Variants in FLI1 observed in about 807,000 individuals in gnomAD.
FLI1 encodes the protein Fli-1 proto-oncogene, ETS transcription factor.
FLI1 carries 13 observed loss-of-function variants against 53.1 expected under a neutral mutation model. That is an observed-to-expected ratio of 0.24 (90% CI 0.16 to 0.39). FLI1 has a LOEUF of 0.39. Among genes scored for constraint, FLI1 ranks in the 10% least tolerant of loss-of-function variants. FLI1 has a pLI of 1.00. For synonymous variants in FLI1, 244 were observed against 236.7 expected (o/e 1.03, Z -0.28); for missense variants, 424 against 600.5 (o/e 0.71, Z 3.07).
chr11:128,768,071 C>T (rs1395382226), intron 2 of FLI1, 47 bp from the exon 3 acceptor site: 6 of 1,534,910 alleles, frequency 3.9e-6, no homozygotes, highest in Non-Finnish European at 3.5e-6. Flanking sequence ...AGGCAAGCTG[C>T]CCTGTCAGTG....
intron 8 of FLI1, 59 bp downstream of exon 8, chr11:128,809,263 TCA>T: frequency 7.0e-7 from 1 of 1,434,026 alleles, no homozygotes; most frequent in Non-Finnish European, 9.8e-7. Flanking sequence ...CTTTGTGAAA[TCA>T]CAGAGACTTC....
chr11:128,747,550 C>T (rs527615295), intron 1 of FLI1, among the ~76,000 whole-genome samples: 10 of 152,278 alleles, frequency 6.6e-5, no homozygotes, highest in South Asian at 4.1e-4. Context: ...ATACTGGCTC[C>T]GTCTTACAGA....
At chr11:128,799,133 C>T (rs1003118796) in intron 5 of FLI1, among the ~76,000 whole-genome samples, 1 of 151,012 alleles carries the variant, frequency 6.6e-6, no homozygotes, top group South Asian at 2.1e-4. Flanking sequence ...CAGCCTTAAA[C>T]TCCTGGCCTC....
intron 5 of FLI1, among the ~76,000 whole-genome samples, chr11:128,789,615 G>A (rs1164036598): frequency 7.2e-5 from 11 of 152,154 alleles, no homozygotes; most frequent in Admixed American, 2.6e-4. Flanking sequence ...TTTGTCCCTC[G>A]CGATATGCAC....
At chr11:128,737,316 G>A (rs748193162) in intron 1 of FLI1, among the ~76,000 whole-genome samples, 3 of 152,162 alleles carry the variant, frequency 2.0e-5, no homozygotes, top group Non-Finnish European at 4.4e-5. Context: ...AAAGACAAAC[G>A]CTGAAGCAGA....
At chr11:128,718,600 AAC>A (rs1647615467) in intron 1 of FLI1, among the ~76,000 whole-genome samples, 2 of 152,244 alleles carry the variant, frequency 1.3e-5, no homozygotes, top group East Asian at 1.9e-4. Context: ...ACCTGGAGAC[AAC>A]AGCAAGACCA....
chr11:128,737,836 C>T (rs1419589107), intron 1 of FLI1, among the ~76,000 whole-genome samples: 2 of 152,164 alleles, frequency 1.3e-5, no homozygotes, highest in East Asian at 3.8e-4. Flanking sequence ...ATGCTCGGAG[C>T]TTATGATATA....
chr11:128,689,757 T>C (rs1198526229), upstream of FLI1, among the ~76,000 whole-genome samples: 2 of 152,244 alleles, frequency 1.3e-5, no homozygotes, highest in Admixed American at 1.3e-4. Context: ...CCACCTCTTG[T>C]CAGCCTGCTC....
At chr11:128,763,888 C>A (rs1941226517) in intron 2 of FLI1, among the ~76,000 whole-genome samples, 1 of 152,220 alleles carries the variant, frequency 6.6e-6, no homozygotes, top group Non-Finnish European at 1.5e-5. Flanking sequence ...TAAGTTATTG[C>A]ATCTCCTTTT....
intron 1 of FLI1, among the ~76,000 whole-genome samples, chr11:128,712,935 G>A (rs764318988): frequency 1.3e-5 from 2 of 152,206 alleles, no homozygotes; most frequent in African/African-American, 4.8e-5. Flanking sequence ...ATCACTGTGA[G>A]GAATAAATAC....
rs145475495 is a variant in FLI1, at chr11:128,801,073, G to A, written c.656-4293G>A. On this transcript the variant is annotated intron_variant, in intron 5 of 8. Coordinates refer to ENST00000527786, the MANE Select transcript of FLI1 (RefSeq NM_002017.5). ...CATCAACTGGTACACTGGTGCCGAC[G>A]GCCACATTTTTACACACTGGGCCTT... Among the ~76,000 whole-genome samples, 35 of 152,274 alleles carry A rather than the reference G, an allele frequency of 2.3e-4. No homozygotes were observed. The East Asian group carries it at 3.3e-3, about 14-fold the overall frequency.
upstream of FLI1, chr11:128,686,497 C>T (rs1033977511): frequency 1.1e-5 from 5 of 456,520 alleles, no homozygotes; most frequent in African/African-American, 6.0e-5. Context: ...CGGACCCTCC[C>T]TCGCCGGACT....
intron 1 of FLI1, among the ~76,000 whole-genome samples, chr11:128,757,367 T>A (rs1819897780): frequency 6.6e-6 from 1 of 152,118 alleles, no homozygotes; most frequent in Admixed American, 6.5e-5. Context: ...GCACTTCACG[T>A]GTCTGAGGTT....
At chr11:128,686,164 G>A (rs1865798760), upstream of FLI1, 1 of 360,154 alleles carries the variant, frequency 2.8e-6, no homozygotes, top group Non-Finnish European at 5.5e-6. Flanking sequence ...TGTGCACTGA[G>A]GGGCGAGTGT....
upstream of FLI1, among the ~76,000 whole-genome samples, chr11:128,690,540 A>G (rs1937697974): frequency 6.6e-6 from 1 of 152,110 alleles, no homozygotes; most frequent in African/African-American, 2.4e-5. Flanking sequence ...GCGAGCCAAG[A>G]CACGTTTCGA....
At chr11:128,734,847 G>C (rs116655593) in intron 1 of FLI1, among the ~76,000 whole-genome samples, 1 of 152,148 alleles carries the variant, frequency 6.6e-6, no homozygotes, top group Non-Finnish European at 1.5e-5. Context: ...CCCTAAAATC[G>C]CCTACCATCT....
intron 5 of FLI1, among the ~76,000 whole-genome samples, chr11:128,784,434 A>G (rs1323634082): frequency 2.0e-5 from 3 of 152,164 alleles, no homozygotes; most frequent in Non-Finnish European, 4.4e-5. Flanking sequence ...AAATGAATTA[A>G]CTGTAGTATC....
chr11:128,704,337 G>T (rs1938467229), intron 1 of FLI1, among the ~76,000 whole-genome samples: 2 of 152,132 alleles, frequency 1.3e-5, no homozygotes, highest in Admixed American at 1.3e-4. Context: ...GGTGCTTGGT[G>T]AGTTTCTCCG....
At chr11:128,731,406 G>A (rs982732790) in intron 1 of FLI1, among the ~76,000 whole-genome samples, 1 of 151,996 alleles carries the variant, frequency 6.6e-6, no homozygotes, top group Non-Finnish European at 1.5e-5. Context: ...TTGTCTAACG[G>A]TCTGCTCGTG....
Sources: allele counts gnomAD v4.1 joint callset (sites outside exome capture counted in the v4.1 genomes callset), GRCh38; gene constraint gnomAD v4.1.1; transcripts MANE v1.5; gene names NCBI Gene and HGNC (gene_info 2026-07-23, HGNC 2026-07-21).